DAW1: variants seen among roughly 807,000 people sequenced by gnomAD.
DAW1 encodes dynein assembly factor with WD repeat domains 1.
Under a neutral mutation model 56.5 loss-of-function variants are expected in DAW1, and 47 were observed. That is an observed-to-expected ratio of 0.83 (90% CI 0.66 to 1.06). DAW1 has a LOEUF of 1.06. Ranked by LOEUF, DAW1 falls within the 50% of genes least tolerant of loss-of-function variation. The probability of loss-of-function intolerance (pLI) is 0.00; values close to 1 mark genes in which losing one functional copy is unlikely to be tolerated. For synonymous variants in DAW1, 190 were observed against 179.0 expected (o/e 1.06, Z -0.49); for missense variants, 505 against 499.3 (o/e 1.01, Z -0.11).
At chr2:227,890,100 A>AT (rs1691227407) in intron 3 of DAW1, 100 bp downstream of exon 3, 20 of 1,248,150 alleles carry the variant, frequency 1.6e-5, no homozygotes, top group Non-Finnish European at 2.1e-5. Flanking sequence ...TGAAAAAGGC[A>AT]TGTCAGTGAT....
At chr2:227,890,874 C>T (rs1297309618) in intron 3 of DAW1, among the ~76,000 whole-genome samples, 1 of 152,136 alleles carries the variant, frequency 6.6e-6, no homozygotes, top group East Asian at 1.9e-4. Context: ...TATATGCATT[C>T]AATAAATATT....
intron 10 of DAW1, among the ~76,000 whole-genome samples, chr2:227,916,169 T>C (rs1457296276): frequency 6.6e-6 from 1 of 152,172 alleles, no homozygotes; most frequent in Non-Finnish European, 1.5e-5. Flanking sequence ...ATATCTAATA[T>C]GTAATCATCT....
chr2:227,910,524 A>ACACACACC (rs756824641), intron 10 of DAW1, among the ~76,000 whole-genome samples: 6 of 150,196 alleles, frequency 4.0e-5, no homozygotes, highest in African/African-American at 7.3e-5. Flanking sequence ...ACACACACAC[A>ACACACACC]CCCCTCATAT....
chr2:227,876,221 C>T (rs553853637), intron 1 of DAW1, among the ~76,000 whole-genome samples: 19 of 152,266 alleles, frequency 1.2e-4, no homozygotes, highest in African/African-American at 3.8e-4. Context: ...GGGGTTTCAC[C>T]GTGTTAGCCA....
chr2:227,920,789 G>C (rs1357777009), intron 11 of DAW1, among the ~76,000 whole-genome samples: 1 of 152,104 alleles, frequency 6.6e-6, no homozygotes, highest in East Asian at 1.9e-4. Flanking sequence ...CGATTCTCCT[G>C]CCTCAGCCTC....
intron 10 of DAW1, among the ~76,000 whole-genome samples, chr2:227,917,134 A>ATCTG (rs1345276074): frequency 2.1e-4 from 29 of 137,192 alleles, no homozygotes; most frequent in South Asian, 4.8e-4. Context: ...CTATCTATCT[A>ATCTG]TCTATCTATC....
At chr2:227,923,872 AAAGAGAGAATG>A in intron 12 of DAW1, 51 bp from the exon 13 acceptor site, 1 of 1,593,532 alleles carries the variant, frequency 6.3e-7, no homozygotes, top group East Asian at 2.3e-5. Context: ...CAACTTGTAG[AAAGAGAGAATG>A]AGGTGAATGA....
At chr2:227,876,702 A>G (rs1690892458) in intron 1 of DAW1, among the ~76,000 whole-genome samples, 1 of 152,184 alleles carries the variant, frequency 6.6e-6, no homozygotes, top group Non-Finnish European at 1.5e-5. Context: ...CCCTACCTAC[A>G]TTCCCAAAGG....
chr2:227,913,236 A>G (rs1280762481), intron 10 of DAW1, among the ~76,000 whole-genome samples: 1 of 152,202 alleles, frequency 6.6e-6, no homozygotes, highest in Non-Finnish European at 1.5e-5. Context: ...ATATTGTGTT[A>G]AAACATGACT....
At chr2:227,921,336 T>G in intron 11 of DAW1, 63 bp from the exon 12 acceptor site, 1 of 284,732 alleles carries the variant, frequency 3.5e-6, no homozygotes, top group Non-Finnish European at 6.1e-6. Flanking sequence ...TTTTTTTTGC[T>G]GATAAGAAAT....
At chr2:227,918,175 C>CCATCATCCATCCATCCATCCAT (rs780205259) in intron 10 of DAW1, among the ~76,000 whole-genome samples, 2 of 50,582 alleles carry the variant, frequency 4.0e-5, no homozygotes, top group African/African-American at 1.5e-4. Flanking sequence ...CATCCATCAT[C>CCATCATCCATCCATCCATCCAT]CATCCATCCA....
chr2:227,919,046 G>A (rs1373570567), intron 11 of DAW1, among the ~76,000 whole-genome samples, 190 bp downstream of exon 11: 1 of 151,754 alleles, frequency 6.6e-6, no homozygotes, highest in African/African-American at 2.4e-5. Flanking sequence ...AACAAAAAAA[G>A]TCAGCTGTGC....
intron 10 of DAW1, among the ~76,000 whole-genome samples, chr2:227,915,603 C>T (rs563691263): frequency 6.6e-6 from 1 of 152,168 alleles, no homozygotes; most frequent in South Asian, 2.1e-4. Context: ...ATAATCATCT[C>T]CTTGAGAATG....
chr2:227,915,926 A>T (rs1056038487), intron 10 of DAW1, among the ~76,000 whole-genome samples: 1 of 152,102 alleles, frequency 6.6e-6, no homozygotes, highest in African/African-American at 2.4e-5. Flanking sequence ...ATTTAGGACA[A>T]TTTATAATGC....
At chr2:227,873,640 T>C (rs920683735) in intron 1 of DAW1, among the ~76,000 whole-genome samples, 3 of 152,138 alleles carry the variant, frequency 2.0e-5, no homozygotes, top group South Asian at 4.1e-4. Flanking sequence ...TAAAATAATA[T>C]GAGAAAGCTA....
At chr2:227,889,783 A>G (rs1691216234) in intron 2 of DAW1, 73 bp from the exon 3 acceptor site, 3 of 1,265,272 alleles carry the variant, frequency 2.4e-6, no homozygotes, top group African/African-American at 3.1e-5. Context: ...AATACAATCA[A>G]TTCTTCATGT....
chr2:227,915,011 AC>A (rs962386624), intron 10 of DAW1, among the ~76,000 whole-genome samples: 11 of 152,062 alleles, frequency 7.2e-5, no homozygotes, highest in Admixed American at 2.0e-4. Flanking sequence ...CATGTATGAT[AC>A]TGCTGTACTA....
At chr2:227,886,713 G>A (rs2177466) in intron 2 of DAW1, among the ~76,000 whole-genome samples, 80,756 of 152,082 alleles carry the variant, frequency 0.53, 21,726 homozygotes, top group Admixed American at 0.62. Context: ...TTGGGAGATC[G>A]AGGCAGGAGG....
intron 11 of DAW1, 148 bp from the exon 12 acceptor site, chr2:227,921,251 T>C (rs1049146350): frequency 4.7e-5 from 38 of 816,536 alleles, no homozygotes; most frequent in Middle Eastern, 3.3e-4. Context: ...ATGAAGAAAT[T>C]GTTCTATGCA....
Sources: allele counts gnomAD v4.1 joint callset (sites outside exome capture counted in the v4.1 genomes callset), GRCh38; gene constraint gnomAD v4.1.1; transcripts MANE v1.5; gene names NCBI Gene and HGNC (gene_info 2026-07-23, HGNC 2026-07-21).